Variants in ARID1B observed in about 807,000 individuals in gnomAD.
ARID1B encodes the protein AT-rich interactive domain-containing protein 1B.
A neutral mutation model predicts 212.3 loss-of-function variants in ARID1B; 30 were observed. That is an observed-to-expected ratio of 0.14 (90% CI 0.11 to 0.19). ARID1B has a LOEUF of 0.19. ARID1B is among the 10% of genes least tolerant of loss of function. The probability of loss-of-function intolerance (pLI) is 1.00; values close to 1 mark genes in which losing one functional copy is unlikely to be tolerated. For synonymous variants in ARID1B, 1,402 were observed against 1,301.7 expected (o/e 1.08, Z -1.66); for missense variants, 2,891 against 3,204.0 (o/e 0.90, Z 2.36).
Position 156,990,453 on chromosome 6 carries a change from C to T in ARID1B, c.2247+54877C>T, listed in dbSNP as rs370613117. 1.6e-4 allele frequency among the ~76,000 whole-genome samples: 24 copies of T among 152,138 alleles called. No individual in the cohort carries two copies. In the East Asian group the frequency reaches 1.7e-3, roughly 11 times the overall value. Reference sequence around the variant, plus strand: ...GTCAGGAGATCAAGACCCTCCTGGCCATCATGGTGAAACCCCGTCTCTACT... The same window carrying T: ...GTCAGGAGATCAAGACCCTCCTGGCTATCATGGTGAAACCCCGTCTCTACT... On this transcript the variant is annotated intron_variant, in intron 4 of 19. Transcript: ENST00000636930.
intron 4 of ARID1B, among the ~76,000 whole-genome samples, chr6:157,061,494 GGGA>G (rs1402487765): frequency 6.6e-6 from 1 of 152,056 alleles, no homozygotes; most frequent in African/African-American, 2.4e-5. Flanking sequence ...CGCAGTTGTG[GGGA>G]GGAGTTCGGG....
At chr6:156,893,987 C>G (rs1448838468) in intron 2 of ARID1B, among the ~76,000 whole-genome samples, 3 of 152,082 alleles carry the variant, frequency 2.0e-5, no homozygotes, top group Non-Finnish European at 4.4e-5. Flanking sequence ...TATTTGTAAA[C>G]CCCTATTCAG....
intron 3 of ARID1B, among the ~76,000 whole-genome samples, chr6:156,933,017 C>G (rs1245849176): frequency 4.6e-5 from 7 of 152,120 alleles, no homozygotes; most frequent in Admixed American, 4.6e-4. Context: ...TATAAGGCCA[C>G]AATACATTTT....
chr6:157,116,549 G>T (rs1787333378), intron 6 of ARID1B, among the ~76,000 whole-genome samples: 1 of 149,786 alleles, frequency 6.7e-6, no homozygotes, highest in African/African-American at 2.5e-5. Context: ...GTCATAATGA[G>T]GATTTAATTA....
intron 2 of ARID1B, among the ~76,000 whole-genome samples, chr6:156,843,063 T>C (rs1784005922): frequency 6.6e-6 from 1 of 152,186 alleles, no homozygotes; most frequent in East Asian, 1.9e-4. Context: ...AGTAGGGTAG[T>C]TGTTCTCTCA....
intron 4 of ARID1B, among the ~76,000 whole-genome samples, chr6:156,951,804 CTTTATAAAGGAA>C (rs1318985782): frequency 6.6e-6 from 1 of 152,080 alleles, no homozygotes; most frequent in Non-Finnish European, 1.5e-5. Flanking sequence ...AAAGGAAATA[CTTTATAAAGGAA>C]TATATACTCT....
Position 156,777,893 on chromosome 6 carries a change from G to GCAC in ARID1B, c.221_223dup (p.His74dup), listed in dbSNP as rs1465277175. ...ACGGCGGCGGCGGCCTGAACAGTGT[G>GCAC]CACCACCACCCCCTGCTCCCCCGTC... On this transcript the variant is annotated inframe_insertion, in exon 1 of 20. Transcript: ENST00000636930. The GCAC allele has an allele frequency of 2.7e-6, 4 of 1,489,002 alleles. No homozygotes were observed. The African/African-American group carries it at 5.7e-5, about 21-fold the overall frequency. 92.2% of individuals were successfully genotyped at this position (1,489,002 alleles called of 1,614,324 possible).
chr6:157,038,600 A>G lies in ARID1B; in HGVS notation c.2248-46062A>G, dbSNP rs551739157. ...TTTTATGTTTCTGTATCTGCCAAAA[A>G]TTACTAAAAGAAATTATTCTAAATA... On this transcript the variant is annotated intron_variant, in intron 4 of 19. Transcript: ENST00000636930. Among the ~76,000 whole-genome samples, 24 of 152,332 alleles carry G rather than the reference A, an allele frequency of 1.6e-4. No individual in the cohort carries two copies. The East Asian group carries it at 4.6e-3, about 29-fold the overall frequency.
intron 2 of ARID1B, among the ~76,000 whole-genome samples, chr6:156,845,454 A>T (rs997686529): frequency 3.3e-5 from 5 of 151,924 alleles, no homozygotes; most frequent in African/African-American, 1.2e-4. Context: ...GGTGCAGGAG[A>T]TGTGCGTGTC....
intron 4 of ARID1B, among the ~76,000 whole-genome samples, chr6:157,025,587 T>G (rs1345675436): frequency 7.9e-6 from 1 of 127,004 alleles, no homozygotes; most frequent in Non-Finnish European, 1.7e-5. Flanking sequence ...TGAGTCAGGC[T>G]TCTTAGCACA....
At chr6:156,968,311 A>G (rs904676342) in intron 4 of ARID1B, among the ~76,000 whole-genome samples, 1 of 152,240 alleles carries the variant, frequency 6.6e-6, no homozygotes, top group African/African-American at 2.4e-5. Context: ...ATTGAGAGGA[A>G]CAATATTAGT....
chr6:156,839,522 A>G (rs994806090), intron 2 of ARID1B, among the ~76,000 whole-genome samples: 2 of 152,204 alleles, frequency 1.3e-5, no homozygotes, highest in Non-Finnish European at 2.9e-5. Context: ...GAGAGGAGGA[A>G]AGACTAGAAT....
chr6:157,137,544 T>G (rs1231165488), intron 7 of ARID1B, among the ~76,000 whole-genome samples: 1 of 152,242 alleles, frequency 6.6e-6, no homozygotes, highest in Non-Finnish European at 1.5e-5. Flanking sequence ...CTATCTTGTT[T>G]GTTTTTTGTG....
intron 4 of ARID1B, among the ~76,000 whole-genome samples, chr6:156,950,700 GT>G (rs1793518749): frequency 6.6e-6 from 1 of 152,106 alleles, no homozygotes; most frequent in East Asian, 1.9e-4. Context: ...AGATCTAGTG[GT>G]AACTGCTGTA....
intron 4 of ARID1B, among the ~76,000 whole-genome samples, chr6:156,953,320 C>T (rs745766642): frequency 7.2e-5 from 11 of 152,158 alleles, no homozygotes; most frequent in African/African-American, 2.2e-4. Context: ...TTTTGACAAA[C>T]GCCAGAGTTT....
At position 157,082,455 on chromosome 6, in the gene ARID1B, C is replaced by T. The variant is rs61712320; in HGVS notation, c.2248-2207C>T. Reference sequence around the variant, plus strand: ...TGTACAAAACCATGCATCTCACGTGCCCTTACATTTCTGCTAATCATAAGG... The same window carrying T: ...TGTACAAAACCATGCATCTCACGTGTCCTTACATTTCTGCTAATCATAAGG... On this transcript the variant is annotated intron_variant, in intron 4 of 19. Coordinates refer to ENST00000636930, the MANE Select transcript of ARID1B (RefSeq NM_001374828.1). 4.1e-3 allele frequency among the ~76,000 whole-genome samples: 621 copies of T among 152,230 alleles called. 3 individuals are homozygous for T. Among genetic ancestry groups the T allele is most frequent in the Middle Eastern group, 0.02 (6 of 294 alleles).
intron 2 of ARID1B, among the ~76,000 whole-genome samples, chr6:156,856,573 G>C (rs1343361567): frequency 6.6e-6 from 1 of 152,016 alleles, no homozygotes; most frequent in East Asian, 1.9e-4. Context: ...CCTGCATCAA[G>C]CACTGTGTCT....
At chr6:156,793,491 A>G (rs1780151602) in intron 1 of ARID1B, among the ~76,000 whole-genome samples, 1 of 152,056 alleles carries the variant, frequency 6.6e-6, no homozygotes, top group Non-Finnish European at 1.5e-5. Context: ...ACATGCCACC[A>G]TGCCTGCCTA....
intron 15 of ARID1B, chr6:157,195,893 T>C: frequency 2.8e-6 from 1 of 360,554 alleles, no homozygotes; most frequent in Non-Finnish European, 5.1e-6. Context: ...AAACCCTGTC[T>C]CTACTAAAAA....
Sources: allele counts gnomAD v4.1 joint callset (sites outside exome capture counted in the v4.1 genomes callset), GRCh38; gene constraint gnomAD v4.1.1; transcripts MANE v1.5; gene names NCBI Gene and HGNC (gene_info 2026-07-23, HGNC 2026-07-21).